SORL1: variants seen among roughly 807,000 people sequenced by gnomAD.
SORL1 encodes sortilin related receptor 1.
In SORL1, 127 loss-of-function variants were observed where a neutral mutation model predicts 273.7. The observed-to-expected ratio is 0.46, with a 90% CI of 0.40 to 0.54. The LOEUF (loss-of-function observed/expected upper bound fraction) is 0.54, where lower values mean the gene tolerates loss of function less well. SORL1 is among the 20% of genes least tolerant of loss of function. The pLI is 0.00. For synonymous variants in SORL1, 1,031 were observed against 1,067.4 expected (o/e 0.97, Z 0.66); for missense variants, 2,494 against 2,846.1 (o/e 0.88, Z 2.81).
At chr11:121,497,237 A>C (rs977653956) in intron 6 of SORL1, among the ~76,000 whole-genome samples, 188 bp downstream of exon 6, 2 of 152,196 alleles carry the variant, frequency 1.3e-5, no homozygotes, top group African/African-American at 4.8e-5. Context: ...GGTGCTAGGA[A>C]GTCAGAGGAG....
intron 5 of SORL1, among the ~76,000 whole-genome samples, chr11:121,493,350 G>T (rs554093826): frequency 3.5e-4 from 54 of 152,192 alleles, no homozygotes; most frequent in African/African-American, 1.3e-3. Flanking sequence ...TCTGCCTCCC[G>T]GATTCAAGTG....
At chr11:121,456,193 T>A (rs931701899) in intron 1 of SORL1, among the ~76,000 whole-genome samples, 3 of 152,228 alleles carry the variant, frequency 2.0e-5, no homozygotes, top group African/African-American at 7.2e-5. Flanking sequence ...GGGAAGCTCT[T>A]ATTCCATTCT....
intron 6 of SORL1, among the ~76,000 whole-genome samples, chr11:121,509,416 A>G (rs1455812892): frequency 6.6e-6 from 1 of 152,134 alleles, no homozygotes; most frequent in Admixed American, 6.5e-5. Flanking sequence ...TGCTCTTGAC[A>G]CAATCTCAAA....
chr11:121,623,733 G>A (rs1053771891), intron 45 of SORL1, among the ~76,000 whole-genome samples: 8 of 152,192 alleles, frequency 5.3e-5, no homozygotes, highest in African/African-American at 1.2e-4. Context: ...CTGGGTGGCT[G>A]GAGCCCGGCT....
intron 21 of SORL1, 35 bp downstream of exon 21, chr11:121,559,692 T>C: frequency 6.2e-7 from 1 of 1,606,456 alleles, no homozygotes; most frequent in Non-Finnish European, 8.5e-7. Flanking sequence ...CTCTGTAGAG[T>C]TGATCTCAAG....
At position 121,550,064 on chromosome 11, in the gene SORL1, G is replaced by A; in HGVS notation, c.2156G>A (p.Gly719Asp). 1 of 1,613,608 alleles carries A rather than the reference G, an allele frequency of 6.2e-7. No homozygotes were observed. The highest frequency in any genetic ancestry group is 2.2e-5 in the East Asian group (1 of 44,858). The stretch of plus-strand genomic sequence containing the variant: ...TCCCCTCCTGTGCCTTGCCCTGTGG[G>A]TTCTACTTACAGGAGAACGAGAGGG... ...SYSPPVPCPV[G>D]STYRRTRGYR... The change falls in exon 15 of 48, where the codon GGT becomes GAT. Residue 719 changes from glycine to aspartate, a missense_variant. Gly to Asp is a moderately conservative substitution (Grantham distance 94, BLOSUM62 -1). This residue lies in a region of SORL1 where 710 missense variants were observed against 882.5 expected (regional missense o/e 0.80). Transcript: ENST00000260197. The surrounding 1 kb of genome is among the most constrained non-coding windows in gnomAD (Gnocchi z 5.3).
In SORL1 at chr11:121,511,530, C is replaced by T. The variant is rs574851155; in HGVS notation, c.940-1473C>T. On this transcript the variant is annotated intron_variant, in intron 6 of 47. Coordinates refer to ENST00000260197, the MANE Select transcript of SORL1 (RefSeq NM_003105.6). ...TTATATGTAACAATTTTGCTGGGAA[C>T]TGTTTTCTTATTCAGTTAATATGCT... Among the ~76,000 whole-genome samples, 3 of 152,240 alleles carry T rather than the reference C, an allele frequency of 2.0e-5. No individual in the cohort carries two copies. The East Asian group carries it at 5.8e-4, about 29-fold the overall frequency.
Position 121,588,095 on chromosome 11 carries a change from A to G in SORL1, c.3890A>G (p.Asp1297Gly), listed in dbSNP as rs761917163. The G allele has an allele frequency of 6.2e-7, 1 of 1,613,878 alleles. No homozygotes were observed. The highest frequency in any genetic ancestry group is 8.5e-7 in the Non-Finnish European group (1 of 1,179,884). The part of the protein sequence containing the change: ...QQCLFHSMVC[D>G]GIIQCRDGSD... ...TGCCTGTTCCACTCCATGGTCTGTG[A>G]CGGAATCATCCAGTGCCGCGACGGG... The change falls in exon 28 of 48, where the codon GAC becomes GGC. Residue 1297 changes from aspartate to glycine, a missense_variant. Asp to Gly is a moderately conservative substitution (Grantham distance 94, BLOSUM62 -1). Coordinates refer to ENST00000260197, the MANE Select transcript of SORL1 (RefSeq NM_003105.6).
At chr11:121,500,168 A>G (rs1861690625) in intron 6 of SORL1, among the ~76,000 whole-genome samples, 1 of 152,314 alleles carries the variant, frequency 6.6e-6, no homozygotes, top group Non-Finnish European at 1.5e-5. Flanking sequence ...GTGATTTGTT[A>G]ATTTGGTAAT....
In SORL1 at chr11:121,457,996, G is replaced by A. The variant is rs191131391; in HGVS notation, c.285+5380G>A. Among the ~76,000 whole-genome samples the A allele has an allele frequency of 6.1e-3, 935 of 152,324 alleles. 7 individuals are homozygous for A. Among genetic ancestry groups the A allele is most frequent in the Non-Finnish European group, 9.9e-3 (675 of 68,032 alleles). Reference sequence around the variant, plus strand: ...TTTTGGTCTGTTCCTCCTTAGAGATGACAGCCATCTTCATAGTGTCATTGT... The same window carrying A: ...TTTTGGTCTGTTCCTCCTTAGAGATAACAGCCATCTTCATAGTGTCATTGT... On this transcript the variant is annotated intron_variant, in intron 1 of 47. Transcript: ENST00000260197.
chr11:121,458,180 C>T (rs1860937589), intron 1 of SORL1, among the ~76,000 whole-genome samples: 2 of 152,038 alleles, frequency 1.3e-5, no homozygotes, highest in Non-Finnish European at 2.9e-5. Context: ...TTAAAGCATT[C>T]GTTTACCTTC....
intron 24 of SORL1, among the ~76,000 whole-genome samples, chr11:121,574,721 G>C (rs949572209): frequency 6.6e-6 from 1 of 152,206 alleles, no homozygotes; most frequent in African/African-American, 2.4e-5. Flanking sequence ...CCTGGACTCA[G>C]CTCCTGTCAC....
At chr11:121,535,086 A>G (rs1862248989) in intron 12 of SORL1, among the ~76,000 whole-genome samples, 1 of 103,610 alleles carries the variant, frequency 9.7e-6, no homozygotes, top group Non-Finnish European at 2.1e-5. Context: ...AAGATTGCTT[A>G]TGGTTTTTTT....
At position 121,618,879 on chromosome 11, in the gene SORL1, C is replaced by A. The variant is rs1353361156; in HGVS notation, c.5710C>A (p.Gln1904Lys). Reference protein sequence around the residue: ...NKTVIVSKDEQYLFLVRVVVP... With the variant: ...NKTVIVSKDEKYLFLVRVVVP... ...GACGGTCATTGTCAGTAAGGATGAG[C>A]AGTATTTGTTTCTGGTAAGTTTCCC... The change falls in exon 42 of 48, where the codon CAG (glutamine) becomes AAG (lysine). Residue 1904 changes from glutamine to lysine, a missense_variant. Transcript: ENST00000260197. 6.2e-7 allele frequency: 1 copy of A among 1,613,994 alleles called. No individual in the cohort carries two copies. The highest frequency in any genetic ancestry group is 1.3e-5 in the African/African-American group (1 of 74,912).
At position 121,554,078 on chromosome 11, in the gene SORL1, A is replaced by C. The variant is rs1862542318; in HGVS notation, c.2408A>C (p.Tyr803Ser). Residue 803 changes from tyrosine (Y) to serine (S), a missense_variant, in exon 17 of 48, where the codon TAT becomes TCT. By Grantham distance (144) the Tyr-to-Ser change is moderately radical. Transcript: ENST00000260197. This position sits in a 1 kb window ranked among gnomAD's most constrained non-coding sequence, Gnocchi z 4.6. ...LDFDYEHNCL[Y>S]WSDLALDVIQ... ...TTTGACTATGAGCACAACTGTTTGT[A>C]TTGGTCCGACCTGGCCTTGGACGTC... 6.2e-7 allele frequency: 1 copy of C among 1,613,972 alleles called. No individual in the cohort carries two copies.
chr11:121,536,254 G>C (rs1319931035), intron 12 of SORL1, among the ~76,000 whole-genome samples: 1 of 152,102 alleles, frequency 6.6e-6, no homozygotes, highest in Non-Finnish European at 1.5e-5. Flanking sequence ...CTGGACCTGG[G>C]CTCTGGAAGC....
rs548397390 is a variant in SORL1 at position 121,589,294 on chromosome 11, T to G, written c.3982T>G (p.Phe1328Val). ...TGAGTTCCACAAGGTATGTGATGAGTTCGGTTTCCAGTGTCAGAATGGAGT... is the reference window on the plus strand; with the variant it reads ...TGAGTTCCACAAGGTATGTGATGAGGTCGGTTTCCAGTGTCAGAATGGAGT... The part of the protein sequence containing the change: ...DPEFHKVCDE[F>V]GFQCQNGVCI... Residue 1328 changes from phenylalanine to valine, a missense_variant, in exon 29 of 48, where the codon TTC (phenylalanine) becomes GTC (valine). Transcript: ENST00000260197. 2.5e-5 allele frequency: 40 copies of G among 1,613,634 alleles called. No homozygotes were observed. The South Asian group carries it at 4.3e-4, about 17-fold the overall frequency.
intron 3 of SORL1, among the ~76,000 whole-genome samples, chr11:121,483,992 C>T (rs1861435331): frequency 6.6e-6 from 1 of 151,998 alleles, no homozygotes; most frequent in Non-Finnish European, 1.5e-5. Flanking sequence ...GCAGAGACTG[C>T]AAAGTGCCAA....
rs372726960 is a variant in SORL1 at position 121,622,276 on chromosome 11, C to T, written c.6171+8C>T. 65 of 1,517,932 alleles carry T rather than the reference C, an allele frequency of 4.3e-5. No homozygotes were observed. Among genetic ancestry groups the T allele is most frequent in the Middle Eastern group, 1.7e-4 (1 of 5,898 alleles). 94.0% of individuals were successfully genotyped at this position (1,517,932 alleles called of 1,614,324 possible). Reference sequence around the variant, plus strand: ...CATTTTAATGAAAGCAGGGTAAGTTCCTCCCTCATTCTCAATGACTTTGGA... The same window carrying T: ...CATTTTAATGAAAGCAGGGTAAGTTTCTCCCTCATTCTCAATGACTTTGGA... On this transcript the variant is annotated splice_region_variant and intron_variant, in intron 45 of 47. Coordinates refer to ENST00000260197, the MANE Select transcript of SORL1 (RefSeq NM_003105.6).
Sources: gnomAD v4.1 joint callset for allele counts (sites outside exome capture counted in the v4.1 genomes callset) on GRCh38, gnomAD v4.1.1 for gene constraint, gnomAD v4.1.1 regional missense constraint, Gnocchi (gnomAD v3.1) non-coding constraint, MANE v1.5 for transcripts, NCBI Gene and HGNC (gene_info 2026-07-23, HGNC 2026-07-21) for gene names.